TRHDE: variants seen among roughly 807,000 people sequenced by gnomAD.
The protein encoded by TRHDE is thyrotropin releasing hormone degrading enzyme.
In TRHDE, 72 loss-of-function variants were observed where a neutral mutation model predicts 125.7. The observed-to-expected ratio is 0.57, with a 90% CI of 0.47 to 0.70. The LOEUF is 0.70. Ranked by LOEUF, TRHDE falls within the 30% of genes least tolerant of loss-of-function variation. The pLI is 0.00. For synonymous variants in TRHDE, 509 were observed against 509.1 expected, an observed-to-expected ratio of 1.00 and a Z score of 0.00; for missense variants, 1,110 against 1,327.1, an observed-to-expected ratio of 0.84 and a Z score of 2.54.
intron 5 of TRHDE, among the ~76,000 whole-genome samples, chr12:72,488,465 G>C (rs1273345902): frequency 2.6e-5 from 4 of 152,046 alleles, no homozygotes; most frequent in Middle Eastern, 6.3e-3. Flanking sequence ...TATAAATATT[G>C]TAAATGTGTA....
Position 72,372,631 on chromosome 12 carries a change from A to C in TRHDE, c.1189-5364A>C, listed in dbSNP as rs1291764736. ...ATGGCTAGCCAGTTTTCCCAGCACC[A>C]TTTATTAAATAGGGAATCCTTTCCC... is the stretch of plus-strand genomic sequence containing the variant. On this transcript the variant is annotated intron_variant, in intron 2 of 18. Transcript: ENST00000261180. 2.6e-5 allele frequency among the ~76,000 whole-genome samples: 4 copies of C among 152,256 alleles called. No homozygotes were observed. In the East Asian group the frequency reaches 7.7e-4, roughly 29 times the overall value.
In TRHDE at chr12:72,362,586, T is replaced by C. The variant is rs1213965423; in HGVS notation, c.1189-15409T>C. 3.3e-5 allele frequency among the ~76,000 whole-genome samples: 5 copies of C among 150,672 alleles called. No homozygotes were observed. In the East Asian group the frequency reaches 9.8e-4, roughly 30 times the overall value. ...AGTTTAATTAGATCCCATTTGTCAA[T>C]TTTGGCTTTTGTTGCCATTGCTTTT... On this transcript the variant is annotated intron_variant, in intron 2 of 18. Coordinates refer to ENST00000261180, the MANE Select transcript of TRHDE (RefSeq NM_013381.3).
intron 15 of TRHDE, among the ~76,000 whole-genome samples, chr12:72,651,799 G>A (rs1166102858): frequency 6.6e-6 from 1 of 151,838 alleles, no homozygotes; most frequent in African/African-American, 2.4e-5. Flanking sequence ...TTTGGTATCT[G>A]TTTATTACCT....
chr12:72,401,867 T>G (rs1873056680), intron 3 of TRHDE, among the ~76,000 whole-genome samples: 1 of 152,182 alleles, frequency 6.6e-6, no homozygotes, highest in Admixed American at 6.5e-5. Flanking sequence ...GAGTAACATC[T>G]TTTTCTCTGT....
chr12:72,321,698 CTT>C (rs1268718392), intron 2 of TRHDE, among the ~76,000 whole-genome samples: 1 of 152,088 alleles, frequency 6.6e-6, no homozygotes, highest in African/African-American at 2.4e-5. Flanking sequence ...AAAAGTCACT[CTT>C]TACTGTGAAT....
chr12:72,626,888 T>C (rs1046721134), intron 15 of TRHDE, among the ~76,000 whole-genome samples: 1 of 151,918 alleles, frequency 6.6e-6, no homozygotes, highest in African/African-American at 2.4e-5. Flanking sequence ...GAACTTACTG[T>C]TTATGTTTCC....
intron 4 of TRHDE, among the ~76,000 whole-genome samples, chr12:72,472,386 A>C (rs1011757948): frequency 4.6e-5 from 7 of 152,210 alleles, no homozygotes; most frequent in African/African-American, 1.7e-4. Flanking sequence ...TGATCTAATC[A>C]AAACACCTGT....
intron 2 of TRHDE, among the ~76,000 whole-genome samples, chr12:72,189,406 A>C (rs1565658706): frequency 6.6e-6 from 1 of 152,154 alleles, no homozygotes; most frequent in Non-Finnish European, 1.5e-5. Flanking sequence ...AGTAATACCA[A>C]CCCTCCAACT....
chr12:72,574,175 A>C (rs1353224122), intron 10 of TRHDE, among the ~76,000 whole-genome samples: 2 of 151,982 alleles, frequency 1.3e-5, no homozygotes, highest in African/African-American at 4.8e-5. Flanking sequence ...GTATTCCTTC[A>C]AGGTAATGAG....
At chr12:72,558,553 T>C (rs1324403611) in intron 7 of TRHDE, among the ~76,000 whole-genome samples, 8 of 152,168 alleles carry the variant, frequency 5.3e-5, no homozygotes, top group Non-Finnish European at 1.0e-4. Context: ...ATTCTGAACA[T>C]AGCAGGGATT....
upstream of TRHDE, among the ~76,000 whole-genome samples, chr12:72,268,226 G>C (rs1224895941): frequency 6.6e-6 from 1 of 152,090 alleles, no homozygotes; most frequent in African/African-American, 2.4e-5. Context: ...CGATACATCA[G>C]TCTAGTTTTG....
chr12:72,159,916 T>G (rs1439387174), intron 2 of TRHDE, among the ~76,000 whole-genome samples: 1 of 152,164 alleles, frequency 6.6e-6, no homozygotes, highest in Non-Finnish European at 1.5e-5. Context: ...TGTCATATTG[T>G]CTCATCTTAC....
intron 6 of TRHDE, among the ~76,000 whole-genome samples, chr12:72,540,198 C>T (rs1278555797): frequency 6.6e-6 from 1 of 151,772 alleles, no homozygotes; most frequent in African/African-American, 2.4e-5. Context: ...GCTAGTTAAA[C>T]ATAGAAGAGT....
chr12:72,176,734 C>T (rs1876996776), intron 2 of TRHDE, among the ~76,000 whole-genome samples: 1 of 152,076 alleles, frequency 6.6e-6, no homozygotes, highest in Admixed American at 6.5e-5. Flanking sequence ...AGTCACATTT[C>T]ATTTATTTCA....
intron 2 of TRHDE, among the ~76,000 whole-genome samples, chr12:72,241,937 T>G (rs1565671011): frequency 6.6e-6 from 1 of 152,242 alleles, no homozygotes. Context: ...TTTCATGCAT[T>G]TATTTGCTTT....
chr12:72,192,246 G>A (rs2139349465), intron 2 of TRHDE, among the ~76,000 whole-genome samples: 1 of 152,152 alleles, frequency 6.6e-6, no homozygotes, highest in South Asian at 2.1e-4. Flanking sequence ...GGTTGGAGTG[G>A]ATCTTGAATT....
intron 2 of TRHDE, among the ~76,000 whole-genome samples, chr12:72,367,463 G>C (rs1247072039): frequency 5.3e-5 from 8 of 151,934 alleles, no homozygotes; most frequent in Admixed American, 4.6e-4. Flanking sequence ...TATGTTCATT[G>C]GCTCTTGAAT....
In TRHDE at chr12:72,166,748, G is replaced by C. The variant is rs527876424; in HGVS notation, n.279+60996G>C. ...TAAAGATGATTTCTCAAGACATGGG[G>C]CATGAGCTGGAAGTAGACTGGCTGC... On this transcript the variant is annotated intron_variant and non_coding_transcript_variant, in intron 2 of 4. Coordinates refer to the TRHDE transcript ENST00000548156. Among the ~76,000 whole-genome samples, 22 of 152,286 alleles carry C rather than the reference G, an allele frequency of 1.4e-4. No homozygotes were observed. In the South Asian group the frequency reaches 4.1e-3, roughly 29 times the overall value.
At chr12:72,260,567 A>C (rs1259616661) in intron 2 of TRHDE, among the ~76,000 whole-genome samples, 1 of 152,162 alleles carries the variant, frequency 6.6e-6, no homozygotes, top group African/African-American at 2.4e-5. Flanking sequence ...TTTTTCCACT[A>C]TAAGAAACAA....
Sources: gnomAD v4.1 joint callset for allele counts (sites outside exome capture counted in the v4.1 genomes callset) on GRCh38, gnomAD v4.1.1 for gene constraint, MANE v1.5 for transcripts, NCBI Gene and HGNC (gene_info 2026-07-23, HGNC 2026-07-21) for gene names.